Variants in VPS13B observed in about 807,000 individuals in gnomAD.
VPS13B encodes vacuolar protein sorting 13 homolog B.
Under a neutral mutation model 426.4 loss-of-function variants are expected in VPS13B, and 285 were observed. The ratio of observed to expected loss-of-function variants is 0.67; its 90% confidence interval spans 0.61 to 0.74. The LOEUF (loss-of-function observed/expected upper bound fraction) is 0.74. Ranked by LOEUF, VPS13B falls within the 30% of genes least tolerant of loss-of-function variation. VPS13B has a pLI of 0.00. For missense variants in VPS13B, 4,537 were observed against 4,782.6 expected, an observed-to-expected ratio of 0.95 and a Z score of 1.51; for synonymous variants, 1,676 against 1,676.4, an observed-to-expected ratio of 1.00 and a Z score of 0.01.
chr8:99,854,819 C>G (rs551317162), intron 56 of VPS13B, among the ~76,000 whole-genome samples: 6 of 152,176 alleles, frequency 3.9e-5, no homozygotes, highest in African/African-American at 9.6e-5. Flanking sequence ...CTCTATCTAC[C>G]CAGTGCTGCA....
At chr8:99,512,037 A>C (rs1821816051) in intron 29 of VPS13B, among the ~76,000 whole-genome samples, 2 of 152,208 alleles carry the variant, frequency 1.3e-5, no homozygotes, top group African/African-American at 4.8e-5. Flanking sequence ...TTAGCATATC[A>C]TTTTTGTAAT....
intron 33 of VPS13B, among the ~76,000 whole-genome samples, chr8:99,587,984 G>A (rs1826395401): frequency 6.6e-6 from 1 of 151,718 alleles, no homozygotes; most frequent in South Asian, 2.1e-4. Context: ...AATCCATCTT[G>A]AATTAATTTT....
chr8:99,656,975 G>A (rs984626765), intron 34 of VPS13B, among the ~76,000 whole-genome samples: 1 of 152,102 alleles, frequency 6.6e-6, no homozygotes, highest in Non-Finnish European at 1.5e-5. Flanking sequence ...TATCAACCCT[G>A]TAAATTCAGG....
chr8:99,061,011 A>G (rs1243854980), intron 3 of VPS13B, among the ~76,000 whole-genome samples: 1 of 152,208 alleles, frequency 6.6e-6, no homozygotes, highest in Non-Finnish European at 1.5e-5. Flanking sequence ...TGTAGTGTTC[A>G]GTGCTTTTGA....
intron 17 of VPS13B, chr8:99,233,623 A>T: frequency 8.5e-7 from 1 of 1,181,250 alleles, no homozygotes; most frequent in East Asian, 2.3e-5. Flanking sequence ...GCTTCTTCAT[A>T]ATCTCCATCT....
chr8:99,406,640 A>G (rs1815345997), intron 21 of VPS13B, among the ~76,000 whole-genome samples: 1 of 152,210 alleles, frequency 6.6e-6, no homozygotes. Context: ...TCCAAGTACA[A>G]TGCAGGATAT....
At chr8:99,640,096 G>T (rs950317518) in intron 33 of VPS13B, among the ~76,000 whole-genome samples, 3 of 145,860 alleles carry the variant, frequency 2.1e-5, no homozygotes, top group Admixed American at 6.8e-5. Context: ...GAAAAGAAAA[G>T]AAAAGAAAAG....
Position 99,871,617 on chromosome 8 carries a change from A to G in VPS13B, c.11665A>G (p.Ile3889Val). The G allele has an allele frequency of 1.9e-6, 3 of 1,614,192 alleles. No homozygotes were observed. Among genetic ancestry groups the G allele is most frequent in the Non-Finnish European group, 2.5e-6 (3 of 1,180,030 alleles). Reference sequence around the variant, plus strand: ...GCAGCAGGCCTTCCCCGTCACAGAAATCGACTGTGCACAGGACAGCAAGCA... The same window carrying G: ...GCAGCAGGCCTTCCCCGTCACAGAAGTCGACTGTGCACAGGACAGCAAGCA... ...TQQQAFPVTEIDCAQDSKQNN... is the reference protein window; with the variant it reads ...TQQQAFPVTEVDCAQDSKQNN... Residue 3889 changes from isoleucine to valine, a missense_variant, in exon 61 of 62, where the codon ATC (isoleucine) becomes GTC (valine). By Grantham distance (29) the Ile-to-Val change is conservative. Transcript: ENST00000357162.
intron 12 of VPS13B, among the ~76,000 whole-genome samples, chr8:99,137,007 A>G (rs1810104398): frequency 6.6e-6 from 1 of 152,188 alleles, no homozygotes; most frequent in Admixed American, 6.5e-5. Flanking sequence ...ACCATATATT[A>G]TGATTCTGAT....
At chr8:99,714,567 A>G (rs940172352) in intron 36 of VPS13B, among the ~76,000 whole-genome samples, 1 of 152,242 alleles carries the variant, frequency 6.6e-6, no homozygotes, top group African/African-American at 2.4e-5. Flanking sequence ...TAACTTTACA[A>G]TGGCAAAATC....
At chr8:99,872,863 A>T (rs1817497793) in intron 61 of VPS13B, among the ~76,000 whole-genome samples, 1 of 152,214 alleles carries the variant, frequency 6.6e-6, no homozygotes, top group Non-Finnish European at 1.5e-5. Context: ...GAGAAGATGG[A>T]AAGCAGCCAA....
chr8:99,058,024 A>G (rs781083160), intron 3 of VPS13B, among the ~76,000 whole-genome samples: 2 of 152,160 alleles, frequency 1.3e-5, no homozygotes, highest in Non-Finnish European at 1.5e-5. Context: ...AAGAGACTGA[A>G]ATTTTTTGTA....
chr8:99,134,265 C>T (rs186409985), intron 8 of VPS13B, among the ~76,000 whole-genome samples: 73 of 152,112 alleles, frequency 4.8e-4, no homozygotes, highest in Admixed American at 9.8e-4. Context: ...TGAAACTACA[C>T]GTTGTTGAAT....
intron 17 of VPS13B, among the ~76,000 whole-genome samples, chr8:99,197,065 C>T (rs1438656313): frequency 1.3e-5 from 2 of 152,158 alleles, no homozygotes; most frequent in Non-Finnish European, 2.9e-5. Context: ...GCCTTTTCTG[C>T]ATCTATTGAG....
chr8:99,507,734 C>T (rs756440988), intron 28 of VPS13B: 3 of 1,613,592 alleles, frequency 1.9e-6, no homozygotes, highest in Non-Finnish European at 2.5e-6. Flanking sequence ...TGCTTTTTGT[C>T]TTTTCACCTT....
At chr8:99,826,023 T>C (rs1814664826) in intron 51 of VPS13B, among the ~76,000 whole-genome samples, 1 of 152,222 alleles carries the variant, frequency 6.6e-6, no homozygotes, top group Non-Finnish European at 1.5e-5. Context: ...AGCTTTGTTC[T>C]TTTTGCTTAG....
intron 19 of VPS13B, among the ~76,000 whole-genome samples, chr8:99,330,147 G>T (rs1810476916): frequency 6.6e-6 from 1 of 151,906 alleles, no homozygotes. Context: ...TCAAATATTT[G>T]AACATGTTAT....
chr8:99,810,050 A>G (rs990261692), intron 44 of VPS13B, among the ~76,000 whole-genome samples: 3 of 152,182 alleles, frequency 2.0e-5, no homozygotes, highest in Non-Finnish European at 4.4e-5. Flanking sequence ...ACTGCAGCCT[A>G]ACTCTTGGCA....
chr8:99,044,374 C>T (rs761519401), intron 3 of VPS13B, among the ~76,000 whole-genome samples: 37 of 150,922 alleles, frequency 2.5e-4, no homozygotes, highest in African/African-American at 6.8e-4. Flanking sequence ...TGAGCCACCG[C>T]GCCCGGCCTC....
Sources: gnomAD v4.1 joint callset for allele counts (sites outside exome capture counted in the v4.1 genomes callset) on GRCh38, gnomAD v4.1.1 for gene constraint, MANE v1.5 for transcripts, NCBI Gene and HGNC (gene_info 2026-07-23, HGNC 2026-07-21) for gene names.